Variants in UQCRH observed in about 807,000 individuals in gnomAD.
UQCRH encodes the protein cytochrome b-c1 complex subunit 6, mitochondrial.
A neutral mutation model predicts 16.3 loss-of-function variants in UQCRH; 14 were observed. That is an observed-to-expected ratio of 0.86 (90% confidence interval 0.57 to 1.34). The LOEUF is 1.34. Among genes scored for constraint, UQCRH ranks in the 40% most tolerant of loss-of-function variants. The pLI, the probability that UQCRH is intolerant of heterozygous loss-of-function variation, is 0.00. For missense variants in UQCRH, 89 were observed against 111.9 expected (o/e 0.80, Z 0.92); for synonymous variants, 41 against 41.9 (o/e 0.98, Z 0.08).
rs573561361 is a variant in UQCRH at position 46,310,092 on chromosome 1, A to G, written c.82-63A>G. On this transcript the variant is annotated intron_variant, in intron 2 of 3. Coordinates refer to ENST00000311672, the MANE Select transcript of UQCRH (RefSeq NM_006004.4). ...GTTTGGTGGTTGTGTTAATCAAAGC[A>G]TATGTGTTTGGTGGGTCTCTGCTAA... 3.2e-5 allele frequency: 52 copies of G among 1,608,320 alleles called. No individual in the cohort carries two copies. The African/African-American group carries it at 5.7e-4, about 18-fold the overall frequency.
At chr1:46,311,728 G>A (rs2148336389) in intron 3 of UQCRH, among the ~76,000 whole-genome samples, 1 of 147,846 alleles carries the variant, frequency 6.8e-6, no homozygotes, top group East Asian at 2.2e-4. Context: ...GAGTAGCTGG[G>A]ACCGCAGGCG....
At chr1:46,314,447 G>GATCACCT (rs1252758240) in intron 3 of UQCRH, among the ~76,000 whole-genome samples, 3 of 151,868 alleles carry the variant, frequency 2.0e-5, no homozygotes, top group Admixed American at 2.0e-4. Flanking sequence ...GAGGCAAGTG[G>GATCACCT]ATCACCTGCT....
At chr1:46,307,881 C>T (rs965081582) in intron 1 of UQCRH, among the ~76,000 whole-genome samples, 1 of 152,156 alleles carries the variant, frequency 6.6e-6, no homozygotes, top group Non-Finnish European at 1.5e-5. Flanking sequence ...ATGGGTTTTC[C>T]TCCTAACTTG....
chr1:46,303,916 AC>A, intron 1 of UQCRH, 96 bp downstream of exon 1: 1 of 1,550,980 alleles, frequency 6.4e-7, no homozygotes, highest in South Asian at 1.1e-5. Flanking sequence ...CCCCCAGTTT[AC>A]CCTCTAGGGT....
intron 3 of UQCRH, 93 bp downstream of exon 3, chr1:46,310,409 AGTT>A: frequency 6.4e-7 from 1 of 1,569,448 alleles, no homozygotes; most frequent in East Asian, 2.2e-5. Context: ...AAGGCCCATC[AGTT>A]ACTCTGGGCC....
chr1:46,303,751 A>C lies in UQCRH; in HGVS notation c.-16A>C. 1 of 1,614,168 alleles carries C rather than the reference A, an allele frequency of 6.2e-7. No individual in the cohort carries two copies. The highest frequency in any genetic ancestry group is 8.5e-7 in the Non-Finnish European group (1 of 1,180,014). On this transcript the variant is annotated 5_prime_UTR_variant, in exon 1 of 4. Coordinates refer to ENST00000311672, the MANE Select transcript of UQCRH (RefSeq NM_006004.4). ...CGCTGTTGCTGCTCGTGTTGAATCT[A>C]GAACCGTAGCCAGACATGGGACTGG...
rs374766881 is a variant in UQCRH at position 46,305,179 on chromosome 1, G to T, written c.54+1359G>T. 2.6e-5 allele frequency among the ~76,000 whole-genome samples: 4 copies of T among 151,686 alleles called. No homozygotes were observed. In the East Asian group the frequency reaches 5.8e-4, roughly 22 times the overall value. On this transcript the variant is annotated intron_variant, in intron 1 of 3. Coordinates refer to ENST00000311672, the MANE Select transcript of UQCRH (RefSeq NM_006004.4). ...AAAAATATAAAAATTAGCCGGGCAT[G>T]GTGGTGAACGCCTGTGGTCTCAACT...
intron 1 of UQCRH, 143 bp from the exon 2 acceptor site, chr1:46,308,958 A>C (rs1157853820): frequency 8.5e-6 from 9 of 1,052,742 alleles, no homozygotes; most frequent in African/African-American, 1.6e-5. Context: ...AGGCCTCTAA[A>C]ATGTAAAAAC....
At chr1:46,310,856 A>C (rs1420510081) in intron 3 of UQCRH, among the ~76,000 whole-genome samples, 1 of 151,638 alleles carries the variant, frequency 6.6e-6, no homozygotes, top group Non-Finnish European at 1.5e-5. Flanking sequence ...TCATGAGGTC[A>C]GGAGATCGAG....
At chr1:46,312,960 A>G (rs138619845) in intron 3 of UQCRH, among the ~76,000 whole-genome samples, 38 of 152,260 alleles carry the variant, frequency 2.5e-4, no homozygotes, top group African/African-American at 9.2e-4. Flanking sequence ...GTTGACGACA[A>G]TGTGGAAAAG....
intron 1 of UQCRH, among the ~76,000 whole-genome samples, chr1:46,304,478 T>G (rs1197128784): frequency 6.6e-6 from 1 of 151,562 alleles, no homozygotes; most frequent in Non-Finnish European, 1.5e-5. Flanking sequence ...CTCCGCCTCC[T>G]GGGTTCAAGC....
chr1:46,306,499 G>A (rs1313538572), intron 1 of UQCRH, among the ~76,000 whole-genome samples: 1 of 149,226 alleles, frequency 6.7e-6, no homozygotes, highest in Non-Finnish European at 1.5e-5. Context: ...TCAGTCTCCC[G>A]AGTAGCTGGG....
intron 1 of UQCRH, among the ~76,000 whole-genome samples, chr1:46,304,627 C>T (rs1339445191): frequency 6.6e-6 from 1 of 152,070 alleles, no homozygotes; most frequent in Non-Finnish European, 1.5e-5. Context: ...CCTAGTGATC[C>T]GCCCACCCCG....
At chr1:46,305,319 A>C (rs1231539607) in intron 1 of UQCRH, among the ~76,000 whole-genome samples, 12 of 151,262 alleles carry the variant, frequency 7.9e-5, no homozygotes, top group African/African-American at 1.5e-4. Context: ...AAAAAAAAAA[A>C]AACTAAAGAA....
intron 3 of UQCRH, among the ~76,000 whole-genome samples, chr1:46,313,642 C>CAGACAGAT (rs1553173569): frequency 2.1e-5 from 3 of 145,766 alleles, no homozygotes; most frequent in Admixed American, 6.9e-5. Flanking sequence ...AAAATATAGA[C>CAGACAGAT]AGATAGATAG....
intron 3 of UQCRH, among the ~76,000 whole-genome samples, chr1:46,311,458 C>G (rs1351084894): frequency 6.9e-6 from 1 of 145,078 alleles, no homozygotes; most frequent in Admixed American, 6.9e-5. Flanking sequence ...GCGCCTGTAG[C>G]CCCCAGCTAC....
At chr1:46,309,601 C>T (rs935617583) in intron 2 of UQCRH, 6 of 177,358 alleles carry the variant, frequency 3.4e-5, no homozygotes, top group Non-Finnish European at 7.0e-5. Context: ...ACCCGAGAGG[C>T]GGAGGTTGTG....
At chr1:46,311,928 C>CCATACCTGGGTAA (rs1661486366) in intron 3 of UQCRH, among the ~76,000 whole-genome samples, 1 of 130,678 alleles carries the variant, frequency 7.7e-6, no homozygotes, top group African/African-American at 2.8e-5. Context: ...TGCACCCAGC[C>CCATACCTGGGTAA]TTTTTTTTTT....
intron 3 of UQCRH, among the ~76,000 whole-genome samples, chr1:46,313,335 T>A (rs982531119): frequency 1.3e-5 from 2 of 151,874 alleles, no homozygotes; most frequent in Admixed American, 1.3e-4. Context: ...TTACAAAAAA[T>A]ATATATATAA....
Sources: allele counts gnomAD v4.1 joint callset (sites outside exome capture counted in the v4.1 genomes callset), GRCh38; gene constraint gnomAD v4.1.1; transcripts MANE v1.5; gene names NCBI Gene and HGNC (gene_info 2026-07-23, HGNC 2026-07-21).